Variants in OAT observed in about 807,000 individuals in gnomAD.
OAT encodes the protein ornithine aminotransferase.
A neutral mutation model predicts 48.4 loss-of-function variants in OAT; 35 were observed. That is an observed-to-expected ratio of 0.72 (90% CI 0.55 to 0.96). OAT has a LOEUF of 0.96. OAT is among the 40% of genes least tolerant of loss of function. The pLI, the probability that OAT is intolerant of heterozygous loss-of-function variation, is 0.00. For missense variants in OAT, 438 were observed against 537.9 expected, an observed-to-expected ratio of 0.81 and a Z score of 1.84; for synonymous variants, 182 against 198.4, an observed-to-expected ratio of 0.92 and a Z score of 0.70.
rs112458502 is a variant in OAT, at chr10:124,401,889, C to A, written c.901-50G>T. 4.8e-5 allele frequency: 65 copies of A among 1,366,022 alleles called. 2 individuals carry two copies. Among genetic ancestry groups the A allele is most frequent in the African/African-American group, 4.6e-4 (32 of 69,902 alleles). 84.6% of individuals were successfully genotyped at this position (1,366,022 alleles called of 1,614,324 possible). A position where few individuals can be genotyped will look rare whatever the true frequency, so the allele number is the denominator to read the frequency against. On this transcript the variant is annotated intron_variant, in intron 7 of 9. Transcript: ENST00000368845. ...TCATTTCTCAGCACTAAGCATTCTA[C>A]TAAGCATCCTTTTCCCCAGAGTCTC...
At position 124,415,074 on chromosome 10, in the gene OAT, TAAAAAAAAAAAAAAAAAA is replaced by T. The variant is rs75952005; in HGVS notation, c.-29-2892_-29-2875del. 41 of 16,858 alleles carry T rather than the reference TAAAAAAAAAAAAAAAAAA, an allele frequency of 2.4e-3. 1 individual carries two copies. Among genetic ancestry groups the T allele is most frequent in the Non-Finnish European group, 3.6e-3 (29 of 8,030 alleles). 1.0% of individuals were successfully genotyped at this position (16,858 alleles called of 1,614,324 possible). On this transcript the variant is annotated intron_variant, in intron 1 of 9. Coordinates refer to ENST00000368845, the MANE Select transcript of OAT (RefSeq NM_000274.4). ...CACTCCAGCCTGGGCTACAAAGCGCTAAAAAAAAAAAAAAAAAAAAAAAAAAAAAAAAAAAAAGGAATA... is the reference window on the plus strand; with the variant it reads ...CACTCCAGCCTGGGCTACAAAGCGCTAAAAAAAAAAAAAAAAAAAGGAATA...
At chr10:124,418,704 C>G (rs1424571342) in intron 1 of OAT, among the ~76,000 whole-genome samples, 169 bp downstream of exon 1, 3 of 152,046 alleles carry the variant, frequency 2.0e-5, no homozygotes, top group African/African-American at 7.2e-5. Context: ...GTAAACGGGC[C>G]GCTGAAGCGG....
At chr10:124,403,150 A>T (rs1951464329) in intron 6 of OAT, 95 bp from the exon 7 acceptor site, 1 of 1,351,380 alleles carries the variant, frequency 7.4e-7, no homozygotes, top group African/African-American at 1.4e-5. Flanking sequence ...CCAACAATAA[A>T]TGTGTAATTC....
At chr10:124,404,331 G>A (rs544248633) in intron 5 of OAT, among the ~76,000 whole-genome samples, 6 of 151,096 alleles carry the variant, frequency 4.0e-5, no homozygotes, top group Middle Eastern at 3.4e-3. Flanking sequence ...GCAGTGGCAC[G>A]ATCTTGGCTT....
intron 5 of OAT, 109 bp downstream of exon 5, chr10:124,405,327 A>G: frequency 6.6e-7 from 1 of 1,520,884 alleles, no homozygotes; most frequent in Non-Finnish European, 9.0e-7. Flanking sequence ...GGCTTAACTT[A>G]AGTGAGATAA....
In OAT at chr10:124,412,094, T is replaced by G; in HGVS notation, c.78A>C (p.Thr26=). The G allele has an allele frequency of 2.5e-6, 4 of 1,614,186 alleles. No homozygotes were observed. In the East Asian group the frequency reaches 8.9e-5, roughly 36 times the overall value. The change falls in exon 2 of 10, where the codon ACA becomes ACC. Residue 26 remains threonine, a synonymous_variant. Coordinates refer to ENST00000368845, the MANE Select transcript of OAT (RefSeq NM_000274.4). ...RGVHSSVASA[T]SVATKKTVQG... ...GGACTGTTTTTTTAGTTGCAACAGA[T>G]GTAGCAGAAGCCACTGAAGAATGAA...
In OAT at chr10:124,400,863, G is replaced by A. The variant is rs1317319387; in HGVS notation, c.1136C>T (p.Ala379Val). 6.2e-7 allele frequency: 1 copy of A among 1,604,314 alleles called. No individual in the cohort carries two copies. The highest frequency in any genetic ancestry group is 1.3e-5 in the African/African-American group (1 of 74,754). Reference protein sequence around the residue: ...TAVRGKGLLNAIVIKETKDWD... With the variant: ...TAVRGKGLLNVIVIKETKDWD... ...ACCTTTGGTTTCTTTAATGACAATA[G>A]CGTTTAATAATCCTTTTCCTCTTAC... Residue 379 changes from alanine to valine, a missense_variant, in exon 9 of 10, where the codon GCT (alanine) becomes GTT (valine). Transcript: ENST00000368845.
intron 1 of OAT, chr10:124,414,096 T>C (rs543355820): frequency 1.3e-5 from 2 of 150,304 alleles, no homozygotes; most frequent in Non-Finnish European, 2.9e-5. Flanking sequence ...AAACTAGGCA[T>C]ACTTATTCCA....
Position 124,408,764 on chromosome 10 carries a change from T to C in OAT, c.401A>G (p.His134Arg), listed in dbSNP as rs1217397711. ...EEYITKLFNY[H>R]KVLPMNTGVE... ...ACCTGTATTCATAGGAAGAACTTTGTGGTAGTTGAAAAGTTTAGTAATATA... is the reference window on the plus strand; with the variant it reads ...ACCTGTATTCATAGGAAGAACTTTGCGGTAGTTGAAAAGTTTAGTAATATA... Residue 134 changes from histidine (H) to arginine (R), a missense_variant, in exon 3 of 10, where the codon CAC becomes CGC. By Grantham distance (29) the His-to-Arg change is conservative (BLOSUM62 0). Coordinates refer to ENST00000368845, the MANE Select transcript of OAT (RefSeq NM_000274.4). 6.2e-7 allele frequency: 1 copy of C among 1,609,656 alleles called. No individual in the cohort carries two copies. The highest frequency in any genetic ancestry group is 1.3e-5 in the African/African-American group (1 of 74,936).
At chr10:124,402,337 AT>A (rs1212881827) in intron 7 of OAT, among the ~76,000 whole-genome samples, 2 of 152,244 alleles carry the variant, frequency 1.3e-5, no homozygotes, top group African/African-American at 4.8e-5. Flanking sequence ...AAACAATATA[AT>A]TTTGCAACTA....
chr10:124,400,522 A>G (rs1255943854), intron 9 of OAT, among the ~76,000 whole-genome samples: 1 of 151,800 alleles, frequency 6.6e-6, no homozygotes, highest in Non-Finnish European at 1.5e-5. Context: ...TGGGAGGCCA[A>G]CGCAGGTGGA....
At chr10:124,417,951 G>A (rs1033574441) in intron 1 of OAT, among the ~76,000 whole-genome samples, 7 of 152,232 alleles carry the variant, frequency 4.6e-5, no homozygotes, top group African/African-American at 1.2e-4. Flanking sequence ...GGGTCACAGG[G>A]CGAGTGCCCA....
intron 7 of OAT, among the ~76,000 whole-genome samples, chr10:124,402,274 C>G (rs547145694): frequency 6.6e-6 from 1 of 152,268 alleles, no homozygotes; most frequent in South Asian, 2.1e-4. Flanking sequence ...AACCTAATGA[C>G]TTAGTCATAC....
At chr10:124,411,869 C>A in intron 2 of OAT, 104 bp downstream of exon 2, 1 of 953,734 alleles carries the variant, frequency 1.0e-6, no homozygotes, top group Non-Finnish European at 1.7e-6. Flanking sequence ...GCAATATACA[C>A]ATTAAACACA....
chr10:124,411,890 T>C, intron 2 of OAT, 83 bp downstream of exon 2: 1 of 1,181,882 alleles, frequency 8.5e-7, no homozygotes, highest in Non-Finnish European at 1.3e-6. Context: ...TCTAGAAAAA[T>C]GTATATTGTG....
chr10:124,405,838 A>G, intron 4 of OAT: 1 of 1,237,334 alleles, frequency 8.1e-7, no homozygotes. Context: ...CTGAAGATAG[A>G]TAACTTACTT....
intron 1 of OAT, 103 bp from the exon 2 acceptor site, chr10:124,412,303 G>T: frequency 1.1e-6 from 1 of 873,750 alleles, no homozygotes; most frequent in South Asian, 1.4e-5. Context: ...GTGAGCCCAG[G>T]AGTTTGAGAC....
chr10:124,407,290 A>G (rs1166093012), intron 4 of OAT: 1 of 985,378 alleles, frequency 1.0e-6, no homozygotes, highest in South Asian at 4.7e-5. Context: ...CCCTGCAGGT[A>G]TAAGGGACTT....
rs1285313333 is a variant in OAT, at chr10:124,400,849, C to A, written c.1150G>T (p.Glu384Ter). 6.2e-7 allele frequency: 1 copy of A among 1,601,706 alleles called. No homozygotes were observed. Among genetic ancestry groups the A allele is most frequent in the Non-Finnish European group, 8.5e-7 (1 of 1,171,020 alleles). The change falls in exon 9 of 10, where the codon GAA becomes TAA. Residue 384 changes from glutamate to a stop codon, truncating the protein, a stop_gained. Transcript: ENST00000368845. LOFTEE classifies it high-confidence loss of function. ...KGLLNAIVIK[E>*]TKDWDAWKVC... is the part of the protein sequence containing the mutation. ...TGTTTTATCTCCATACCTTTGGTTTCTTTAATGACAATAGCGTTTAATAAT... is the reference window on the plus strand; with the variant it reads ...TGTTTTATCTCCATACCTTTGGTTTATTTAATGACAATAGCGTTTAATAAT...
Sources: gnomAD v4.1 joint callset for allele counts (sites outside exome capture counted in the v4.1 genomes callset) on GRCh38, gnomAD v4.1.1 for gene constraint, MANE v1.5 for transcripts, NCBI Gene and HGNC (gene_info 2026-07-23, HGNC 2026-07-21) for gene names.